Variants in FAM167A observed in about 807,000 individuals in gnomAD.
The protein encoded by FAM167A is protein FAM167A.
Under a neutral mutation model 14.9 loss-of-function variants are expected in FAM167A, and 23 were observed. The observed-to-expected ratio is 1.55, with a 90% CI of 1.11 to 2.19. The LOEUF is 2.19. Ranked by LOEUF, FAM167A falls within the 30% of genes most tolerant of loss-of-function variation. The probability of loss-of-function intolerance (pLI) is 0.00; values close to 1 mark genes in which losing one functional copy is unlikely to be tolerated. For synonymous variants in FAM167A, 174 were observed against 117.7 expected (o/e 1.48, Z -3.10); for missense variants, 401 against 281.5 (o/e 1.42, Z -3.04).
At chr8:11,471,773 G>A (rs1436835631), upstream of FAM167A, among the ~76,000 whole-genome samples, 2 of 152,178 alleles carry the variant, frequency 1.3e-5, no homozygotes, top group African/African-American at 2.4e-5. Context: ...TTCCACCTGG[G>A]ACCTAGGGCC....
intron 2 of FAM167A, among the ~76,000 whole-genome samples, chr8:11,425,521 G>T (rs1402124092): frequency 6.6e-6 from 1 of 152,170 alleles, no homozygotes; most frequent in Non-Finnish European, 1.5e-5. Flanking sequence ...GTGGCTTGAT[G>T]TTTCCTATTG....
chr8:11,461,375 G>C (rs925926822), intron 1 of FAM167A, among the ~76,000 whole-genome samples: 1 of 152,272 alleles, frequency 6.6e-6, no homozygotes, highest in African/African-American at 2.4e-5. Flanking sequence ...TGCCCAGACG[G>C]GCTAAGGCAG....
Position 11,444,629 on chromosome 8 carries a change from T to C in FAM167A, c.-218A>G. ...GCGCCCTCCTGGAGGCTCGGGTCTA[T>C]GATCCGTCCTGGAAGCCTGTGGGTG... is the stretch of plus-strand genomic sequence containing the variant. On this transcript the variant is annotated 5_prime_UTR_variant, in exon 2 of 3. Transcript: ENST00000284486. 1 of 1,359,892 alleles carries C rather than the reference T, an allele frequency of 7.4e-7. No homozygotes were observed. The highest frequency in any genetic ancestry group is 9.4e-7 in the Non-Finnish European group (1 of 1,061,914). 84.2% of individuals were successfully genotyped at this position (1,359,892 alleles called of 1,614,324 possible). A position where few individuals can be genotyped will look rare whatever the true frequency, so the allele number is the denominator to read the frequency against.
intron 1 of FAM167A, chr8:11,446,634 A>T (rs2409771): frequency 6.6e-6 from 1 of 151,928 alleles, no homozygotes; most frequent in African/African-American, 2.4e-5. Context: ...GTAAAATGGG[A>T]GTGATAAATA....
chr8:11,453,099 G>T (rs1807091578), intron 1 of FAM167A, among the ~76,000 whole-genome samples: 1 of 152,322 alleles, frequency 6.6e-6, no homozygotes, highest in East Asian at 1.9e-4. Context: ...CCTCCTCCAG[G>T]CTTCCTCTCC....
chr8:11,472,862 A>T (rs1343224047), intron 1 of FAM167A, among the ~76,000 whole-genome samples: 1 of 152,242 alleles, frequency 6.6e-6, no homozygotes, highest in African/African-American at 2.4e-5. Flanking sequence ...GCAATTGCTG[A>T]ATAGACTCTA....
chr8:11,463,953 C>G (rs1362023007), intron 1 of FAM167A, among the ~76,000 whole-genome samples: 1 of 152,168 alleles, frequency 6.6e-6, no homozygotes, highest in African/African-American at 2.4e-5. Context: ...GCTAAGGCCA[C>G]GTGGCAGGGC....
intron 2 of FAM167A, among the ~76,000 whole-genome samples, chr8:11,437,830 T>C (rs1183942692): frequency 6.6e-6 from 1 of 152,176 alleles, no homozygotes; most frequent in African/African-American, 2.4e-5. Flanking sequence ...AGGAGAAACT[T>C]AATGCAATTA....
At chr8:11,461,000 C>G (rs944282770) in intron 1 of FAM167A, among the ~76,000 whole-genome samples, 8 of 152,220 alleles carry the variant, frequency 5.3e-5, no homozygotes, top group African/African-American at 1.9e-4. Flanking sequence ...AGGCTGGGAG[C>G]GCGGAAACCT....
At chr8:11,436,606 G>T (rs1383158048) in intron 2 of FAM167A, among the ~76,000 whole-genome samples, 1 of 152,206 alleles carries the variant, frequency 6.6e-6, no homozygotes, top group Non-Finnish European at 1.5e-5. Flanking sequence ...CTGCAGGAAG[G>T]CCTCCCCCAT....
chr8:11,459,065 A>C (rs1362438862), intron 1 of FAM167A, among the ~76,000 whole-genome samples: 1 of 152,258 alleles, frequency 6.6e-6, no homozygotes, highest in Non-Finnish European at 1.5e-5. Context: ...ATGAATGACT[A>C]CTTTTCTCTC....
rs529960787 is a variant in FAM167A, at chr8:11,444,442, G to A, written c.-31C>T. 286 of 1,516,026 alleles carry A rather than the reference G, an allele frequency of 1.9e-4. 4 individuals carry two copies. In the South Asian group the frequency reaches 3.4e-3, roughly 18 times the overall value. 93.9% of individuals were successfully genotyped at this position (1,516,026 alleles called of 1,614,324 possible). On this transcript the variant is annotated 5_prime_UTR_variant, in exon 2 of 3. Coordinates refer to ENST00000284486, the MANE Select transcript of FAM167A (RefSeq NM_053279.3). ...AGTCTGCCCTGGCAGCCGGACATGC[G>A]AGGGCACGGGGGGCGCAGGGGGAGG... is the stretch of plus-strand genomic sequence containing the variant.
rs994360295 is a variant in FAM167A at position 11,442,404 on chromosome 8, G to A, written c.381+1627C>T. Among the ~76,000 whole-genome samples the A allele has an allele frequency of 3.3e-5, 5 of 152,240 alleles. No homozygotes were observed. In the East Asian group the frequency reaches 5.8e-4, roughly 18 times the overall value. The stretch of plus-strand genomic sequence containing the variant: ...AGCTCCCCAGGTGGTTACGGTACAC[G>A]CCAGAGTGAGGAGACTAAAGGACGA... On this transcript the variant is annotated intron_variant, in intron 2 of 2. Coordinates refer to ENST00000284486, the MANE Select transcript of FAM167A (RefSeq NM_053279.3).
At chr8:11,439,575 T>C (rs1249608845) in intron 2 of FAM167A, among the ~76,000 whole-genome samples, 2 of 150,966 alleles carry the variant, frequency 1.3e-5, no homozygotes, top group East Asian at 4.0e-4. Context: ...CTCTTCTCTC[T>C]CTCTAACAGC....
At chr8:11,452,282 C>G (rs190507828) in intron 1 of FAM167A, among the ~76,000 whole-genome samples, 1 of 152,208 alleles carries the variant, frequency 6.6e-6, no homozygotes, top group African/African-American at 2.4e-5. Context: ...TGAATTTATC[C>G]TTGCTCTGCT....
At chr8:11,451,728 G>C (rs530734863) in intron 1 of FAM167A, among the ~76,000 whole-genome samples, 10 of 152,216 alleles carry the variant, frequency 6.6e-5, no homozygotes, top group Non-Finnish European at 1.2e-4. Context: ...CTCAGAGGAA[G>C]GGATGGTTAG....
At chr8:11,448,790 A>G (rs930909231) in intron 1 of FAM167A, among the ~76,000 whole-genome samples, 2 of 152,304 alleles carry the variant, frequency 1.3e-5, no homozygotes, top group South Asian at 2.1e-4. Flanking sequence ...TGCTCTCTGC[A>G]TGGCAGACCA....
At chr8:11,431,842 G>A (rs1224462431) in intron 2 of FAM167A, among the ~76,000 whole-genome samples, 5 of 148,280 alleles carry the variant, frequency 3.4e-5, no homozygotes, top group African/African-American at 1.2e-4. Context: ...GGGCCTCTCT[G>A]GGGGGTTACT....
intron 2 of FAM167A, chr8:11,435,004 ATC>A (rs1805906602): frequency 2.2e-6 from 1 of 456,236 alleles, no homozygotes; most frequent in Middle Eastern, 3.3e-4. Flanking sequence ...AGCTCCCAGC[ATC>A]TGGGCCTCCT....
Sources: gnomAD v4.1 joint callset for allele counts (sites outside exome capture counted in the v4.1 genomes callset) on GRCh38, gnomAD v4.1.1 for gene constraint, MANE v1.5 for transcripts, NCBI Gene and HGNC (gene_info 2026-07-23, HGNC 2026-07-21) for gene names.